CREB5: variants seen among roughly 807,000 people sequenced by gnomAD.
CREB5 encodes cyclic AMP-responsive element-binding protein 5.
A neutral mutation model predicts 57.1 loss-of-function variants in CREB5; 19 were observed. The ratio of observed to expected loss-of-function variants is 0.33; its 90% CI spans 0.23 to 0.49. The LOEUF is 0.49. Among genes scored for constraint, CREB5 ranks in the 20% least tolerant of loss-of-function variants. CREB5 has a pLI of 0.99. For missense variants in CREB5, 579 were observed against 671.6 expected (o/e 0.86, Z 1.52); for synonymous variants, 238 against 238.3 (o/e 1.00, Z 0.01).
chr7:28,569,033 T>C (rs1795594907), intron 4 of CREB5, among the ~76,000 whole-genome samples: 1 of 152,200 alleles, frequency 6.6e-6, no homozygotes, highest in African/African-American at 2.4e-5. Flanking sequence ...CATTGTCCAA[T>C]AGACCTCTTA....
chr7:28,318,741 A>G (rs80176304), intron 1 of CREB5, among the ~76,000 whole-genome samples: 3,197 of 152,322 alleles, frequency 0.021, 72 homozygotes, highest in Admixed American at 0.056. Flanking sequence ...ATGAAATACT[A>G]GACTCTTAGA....
intron 1 of CREB5, among the ~76,000 whole-genome samples, chr7:28,475,250 CTTTTTTTTTTTTTTTTTTTT>C (rs530903709): frequency 9.9e-4 from 59 of 59,618 alleles, no homozygotes; most frequent in Middle Eastern, 0.014. Context: ...TCAGAAGTTT[CTTTTTTTTTTTTTTTTTTTT>C]TTTTTTTTTT....
intron 5 of CREB5, among the ~76,000 whole-genome samples, chr7:28,699,231 G>A (rs1801726291): frequency 1.3e-5 from 2 of 149,966 alleles, no homozygotes; most frequent in African/African-American, 4.9e-5. Context: ...GCCAATATCG[G>A]TTTAGAAACT....
chr7:28,491,737 G>A (rs1791816733), intron 2 of CREB5, among the ~76,000 whole-genome samples: 1 of 152,194 alleles, frequency 6.6e-6, no homozygotes. Context: ...CAGTCACAAA[G>A]GTCTCCTGGG....
chr7:28,372,480 A>T (rs749196398), intron 1 of CREB5, among the ~76,000 whole-genome samples: 1 of 152,230 alleles, frequency 6.6e-6, no homozygotes, highest in South Asian at 2.1e-4. Context: ...AATATATTTT[A>T]TCTCACTGAA....
At chr7:28,387,339 C>A (rs1440685321) in intron 1 of CREB5, among the ~76,000 whole-genome samples, 1 of 152,110 alleles carries the variant, frequency 6.6e-6, no homozygotes, top group Non-Finnish European at 1.5e-5. Flanking sequence ...TGATGTTGAG[C>A]TTTTTTTCAT....
At chr7:28,613,663 CT>C (rs1170560624) in intron 5 of CREB5, among the ~76,000 whole-genome samples, 1 of 152,142 alleles carries the variant, frequency 6.6e-6, no homozygotes, top group Non-Finnish European at 1.5e-5. Context: ...TTGAAAATTG[CT>C]GTATTTGATA....
At chr7:28,524,614 T>C (rs1793359894) in intron 4 of CREB5, among the ~76,000 whole-genome samples, 1 of 152,212 alleles carries the variant, frequency 6.6e-6, no homozygotes, top group South Asian at 2.1e-4. Flanking sequence ...GAATCTTGAA[T>C]TGAAAGCAAG....
chr7:28,566,176 C>T lies in CREB5; in HGVS notation c.292-4189C>T, dbSNP rs76436274. 1.5e-3 allele frequency among the ~76,000 whole-genome samples: 233 copies of T among 152,274 alleles called. 8 individuals carry two copies. In the East Asian group the frequency reaches 0.037, roughly 24 times the overall value. On this transcript the variant is annotated intron_variant, in intron 4 of 10. Transcript: ENST00000357727. Reference sequence around the variant, plus strand: ...AATGGAATAATTACTTCTCTAGATCCGGATGTTTCACTTCTCCTAAAGCAA... The same window carrying T: ...AATGGAATAATTACTTCTCTAGATCTGGATGTTTCACTTCTCCTAAAGCAA...
intron 7 of CREB5, among the ~76,000 whole-genome samples, chr7:28,764,798 G>A (rs976735469): frequency 2.6e-5 from 4 of 152,128 alleles, no homozygotes; most frequent in Admixed American, 1.3e-4. Flanking sequence ...TATAAATGTC[G>A]ATGACAATTC....
chr7:28,431,294 C>T (rs1363940397), intron 1 of CREB5, among the ~76,000 whole-genome samples: 1 of 152,184 alleles, frequency 6.6e-6, no homozygotes, highest in African/African-American at 2.4e-5. Context: ...CAAAGACTGC[C>T]TGCCACAGCA....
chr7:28,787,514 G>T (rs1807401190), intron 7 of CREB5, among the ~76,000 whole-genome samples: 2 of 152,184 alleles, frequency 1.3e-5, no homozygotes, highest in African/African-American at 4.8e-5. Context: ...GGCCAGGTGG[G>T]CTCCACATCT....
chr7:28,570,513 C>A lies in CREB5; in HGVS notation c.440C>A (p.Ala147Glu), dbSNP rs1278556027. ...CAGTCCAGCTCTGTCATCACTCAGGCACCTTCCACCAACCGCCAGATCGGG... is the reference window on the plus strand; with the variant it reads ...CAGTCCAGCTCTGTCATCACTCAGGAACCTTCCACCAACCGCCAGATCGGG... ...SPQSSSVITQAPSTNRQIGPV... is the reference protein window; with the variant it reads ...SPQSSSVITQEPSTNRQIGPV... The change falls in exon 5 of 11, where the codon GCA (alanine) becomes GAA (glutamate). Residue 147 changes from alanine to glutamate, a missense_variant. Ala to Glu is a moderately radical substitution (Grantham distance 107). Transcript: ENST00000357727. The A allele has an allele frequency of 1.2e-6, 2 of 1,613,978 alleles. No homozygotes were observed. The highest frequency in any genetic ancestry group is 1.7e-6 in the Non-Finnish European group (2 of 1,179,942).
intron 4 of CREB5, among the ~76,000 whole-genome samples, chr7:28,555,131 A>G (rs1459078157): frequency 6.9e-5 from 1 of 14,448 alleles, no homozygotes; most frequent in Non-Finnish European, 1.2e-4. Flanking sequence ...GTGTGTAAAT[A>G]AAAAGCTTCC....
chr7:28,524,058 G>C (rs1485397315), intron 4 of CREB5, among the ~76,000 whole-genome samples: 1 of 152,210 alleles, frequency 6.6e-6, no homozygotes, highest in Non-Finnish European at 1.5e-5. Context: ...ACATGTAATA[G>C]TGAATGAATG....
At chr7:28,426,082 C>T (rs968417666) in intron 1 of CREB5, among the ~76,000 whole-genome samples, 19 of 152,210 alleles carry the variant, frequency 1.2e-4, no homozygotes, top group African/African-American at 4.3e-4. Context: ...TGTCCTTGTC[C>T]TGTCTCCTTC....
At chr7:28,491,170 T>C (rs1312513386) in intron 2 of CREB5, 2 of 982,150 alleles carry the variant, frequency 2.0e-6, no homozygotes, top group African/African-American at 1.7e-5. Context: ...CGGAGTGATA[T>C]AACGGTAGCC....
chr7:28,583,698 G>C (rs1463808287), intron 5 of CREB5, among the ~76,000 whole-genome samples: 1 of 151,844 alleles, frequency 6.6e-6, no homozygotes, highest in Non-Finnish European at 1.5e-5. Flanking sequence ...TTATTTTTGA[G>C]ATGGAGTTTC....
Position 28,359,938 on chromosome 7 carries a change from C to T in CREB5, c.-25+60497C>T, listed in dbSNP as rs139933702. 7.6e-4 allele frequency among the ~76,000 whole-genome samples: 115 copies of T among 152,276 alleles called. 1 individual carries two copies. The highest frequency in any genetic ancestry group is 2.6e-3 in the African/African-American group (107 of 41,574). ...GGCCCTGAAGGGACATTTCTCTAAA[C>T]ATGACATACAAATAGCCAACAGATA... On this transcript the variant is annotated intron_variant, in intron 1 of 9. Coordinates refer to the CREB5 transcript ENST00000396299.
Sources: gnomAD v4.1 joint callset for allele counts (sites outside exome capture counted in the v4.1 genomes callset) on GRCh38, gnomAD v4.1.1 for gene constraint, MANE v1.5 for transcripts, NCBI Gene and HGNC (gene_info 2026-07-23, HGNC 2026-07-21) for gene names.